Variants in PRC1 observed in about 807,000 individuals in gnomAD.
The protein encoded by PRC1 is protein regulator of cytokinesis 1.
A neutral mutation model predicts 91.2 loss-of-function variants in PRC1; 54 were observed. That is an observed-to-expected ratio of 0.59 (90% CI 0.48 to 0.74). The LOEUF is 0.74. Ranked by LOEUF, PRC1 falls within the 30% of genes least tolerant of loss-of-function variation. The pLI, the probability that PRC1 is intolerant of heterozygous loss-of-function variation, is 0.00. For synonymous variants in PRC1, 275 were observed against 263.6 expected, an observed-to-expected ratio of 1.04 and a Z score of -0.42; for missense variants, 727 against 746.2, an observed-to-expected ratio of 0.97 and a Z score of 0.30.
chr15:90,979,106 C>T (rs1472574444), intron 8 of PRC1, 52 bp downstream of exon 8: 18 of 1,566,260 alleles, frequency 1.1e-5, no homozygotes, highest in South Asian at 7.0e-5. Context: ...GGATTGATTC[C>T]GTACATGGCA....
At position 90,984,797 on chromosome 15, in the gene PRC1, A is replaced by G. The variant is rs2039460745; in HGVS notation, c.40T>C (p.Cys14Arg). ...SEVLAEESIV[C>R]LQKALNHLRE... ...AGGTGATTTAGGGCTTTCTGCAGAC[A>G]TACTATGGACTCCTCCGCCAGCACC... The change falls in exon 2 of 15, where the codon TGT becomes CGT. Residue 14 changes from cysteine to arginine, a missense_variant. By Grantham distance (180) the Cys-to-Arg change is radical. Coordinates refer to ENST00000394249, the MANE Select transcript of PRC1 (RefSeq NM_003981.4). This position sits in a 1 kb window ranked among gnomAD's most constrained non-coding sequence, Gnocchi z 5.1. The G allele has an allele frequency of 6.2e-7, 1 of 1,614,074 alleles. No homozygotes were observed. The highest frequency in any genetic ancestry group is 1.3e-5 in the African/African-American group (1 of 74,908).
chr15:90,966,100 AACAGGACACG>A lies in PRC1; in HGVS notation c.*1021_*1030del. The A allele has an allele frequency of 6.6e-6, 1 of 152,376 alleles. No homozygotes were observed. Among genetic ancestry groups the A allele is most frequent in the Non-Finnish European group, 1.5e-5 (1 of 68,118 alleles). The allele number at this position is 152,376 out of a possible 1,614,324, so 9.4% of individuals were successfully genotyped here. ...TTTAAGAATAATTGTATATTTTAAA[AACAGGACACG>A]TACTGTATGAGTAAACAGCGTGGCT... On this transcript the variant is annotated 3_prime_UTR_variant, in exon 15 of 15. Coordinates refer to ENST00000394249, the MANE Select transcript of PRC1 (RefSeq NM_003981.4).
chr15:90,979,302 A>C lies in PRC1; in HGVS notation c.971-8T>G. Reference sequence around the variant, plus strand: ...GACTTTCTGTGTAGTCCTCTGCAAAATATAGGCCCAGTAGTTTAAAACAAT... The same window carrying C: ...GACTTTCTGTGTAGTCCTCTGCAAACTATAGGCCCAGTAGTTTAAAACAAT... On this transcript the variant is annotated splice_polypyrimidine_tract_variant and splice_region_variant and intron_variant, in intron 7 of 14. Coordinates refer to ENST00000394249, the MANE Select transcript of PRC1 (RefSeq NM_003981.4). 1 of 1,609,216 alleles carries C rather than the reference A, an allele frequency of 6.2e-7. No homozygotes were observed. Among genetic ancestry groups the C allele is most frequent in the South Asian group, 1.1e-5 (1 of 90,476 alleles).
rs1316878598 is a variant in PRC1 at position 90,980,384 on chromosome 15, T to C, written c.828A>G (p.Gln276=). The change falls in exon 7 of 15, where the codon CAA becomes CAG. Residue 276 remains glutamine (Q), a synonymous_variant. Coordinates refer to ENST00000394249, the MANE Select transcript of PRC1 (RefSeq NM_003981.4). ...GSKAKVRKAL[Q]LEVDRLEELK... is the part of the protein sequence containing the mutation. ...GTTCTTCCAACCGATCCACTTCTAA[T>C]TGCAGCTGAAAGAAAGAAACTTGTT... is the stretch of plus-strand genomic sequence containing the variant. 23 of 1,612,880 alleles carry C rather than the reference T, an allele frequency of 1.4e-5. No homozygotes were observed. The highest frequency in any genetic ancestry group is 1.8e-5 in the Non-Finnish European group (21 of 1,179,748).
intron 9 of PRC1, among the ~76,000 whole-genome samples, chr15:90,975,972 G>C (rs2038652254): frequency 6.6e-6 from 1 of 152,166 alleles, no homozygotes. Context: ...AAGGAGAAAG[G>C]CCTCAGAAGA....
intron 1 of PRC1, among the ~76,000 whole-genome samples, chr15:90,990,569 G>T (rs1211039771): frequency 1.3e-5 from 2 of 151,470 alleles, no homozygotes; most frequent in East Asian, 3.9e-4. Context: ...TTTGGACCAT[G>T]GGGTGAAAGG....
chr15:90,990,112 C>T (rs1395089614), intron 1 of PRC1, among the ~76,000 whole-genome samples: 1 of 151,952 alleles, frequency 6.6e-6, no homozygotes, highest in Non-Finnish European at 1.5e-5. Flanking sequence ...CCAAGACCGG[C>T]GGATCACGAG....
intron 1 of PRC1, among the ~76,000 whole-genome samples, chr15:90,987,369 G>A (rs1596326532): frequency 6.6e-6 from 1 of 152,198 alleles, no homozygotes; most frequent in South Asian, 2.1e-4. Context: ...GTGACTGGTA[G>A]AGGGCTTCTG....
At position 90,966,421 on chromosome 15, in the gene PRC1, A is replaced by G. The variant is rs138337327; in HGVS notation, c.*710T>C. On this transcript the variant is annotated 3_prime_UTR_variant, in exon 15 of 15. Transcript: ENST00000394249. ...TGCGGGGGTAGAAGAACTCAGGCAA[A>G]GTAGGCACAGGAATGGGGGAGATGA... The G allele has an allele frequency of 1.1e-5, 4 of 348,202 alleles. No individual in the cohort carries two copies. The East Asian group carries it at 3.3e-4, about 29-fold the overall frequency. The allele number at this position is 348,202 out of a possible 1,614,324, so 21.6% of individuals were successfully genotyped here. A position where few individuals can be genotyped will look rare whatever the true frequency, so the allele number is the denominator to read the frequency against.
At chr15:90,991,971 T>C (rs1170642377) in intron 1 of PRC1, among the ~76,000 whole-genome samples, 1 of 152,238 alleles carries the variant, frequency 6.6e-6, no homozygotes, top group Non-Finnish European at 1.5e-5. Flanking sequence ...GCCATTTCTT[T>C]TGACCTCAGT....
Position 90,979,202 on chromosome 15 carries a change from C to T in PRC1, c.1063G>A (p.Val355Ile), listed in dbSNP as rs960266235. The T allele has an allele frequency of 1.2e-6, 2 of 1,614,166 alleles. No individual in the cohort carries two copies. The highest frequency in any genetic ancestry group is 2.7e-5 in the African/African-American group (2 of 75,060). The change falls in exon 8 of 15, where the codon GTC (valine) becomes ATC (isoleucine). Residue 355 changes from valine (V) to isoleucine (I), a missense_variant. Coordinates refer to ENST00000394249, the MANE Select transcript of PRC1 (RefSeq NM_003981.4). ...CTCCAGGTTTCTTCCCACTTCTGGACACCTTCAAAGAGTTCCTTGTGAACT... is the reference window on the plus strand; with the variant it reads ...CTCCAGGTTTCTTCCCACTTCTGGATACCTTCAAAGAGTTCCTTGTGAACT... ...YEVHKELFEG[V>I]QKWEETWRLF...
At position 90,966,687 on chromosome 15, in the gene PRC1, A is replaced by C. The variant is rs1447639689; in HGVS notation, c.*444T>G. On this transcript the variant is annotated 3_prime_UTR_variant, in exon 15 of 15. Transcript: ENST00000394249. ...TGGGGACAAGGCTTCAGGTAAGAGC[A>C]AAGCTATGATAGCTACAGCATTAAT... 1 of 456,264 alleles carries C rather than the reference A, an allele frequency of 2.2e-6. No homozygotes were observed. 28.3% of individuals were successfully genotyped at this position (456,264 alleles called of 1,614,324 possible). A position where few individuals can be genotyped will look rare whatever the true frequency, so the allele number is the denominator to read the frequency against.
At chr15:90,986,203 T>C (rs1423297241) in intron 1 of PRC1, among the ~76,000 whole-genome samples, 1 of 152,124 alleles carries the variant, frequency 6.6e-6, no homozygotes, top group Non-Finnish European at 1.5e-5. Flanking sequence ...AATGAACACA[T>C]ACGTTCACCA....
At position 90,984,668 on chromosome 15, in the gene PRC1, C is replaced by T. The variant is rs1457127740; in HGVS notation, c.144+25G>A. The T allele has an allele frequency of 1.2e-6, 2 of 1,612,982 alleles. No individual in the cohort carries two copies. Among genetic ancestry groups the T allele is most frequent in the East Asian group, 4.5e-5 (2 of 44,874 alleles). On this transcript the variant is annotated intron_variant, in intron 2 of 14. Transcript: ENST00000394249. The surrounding 1 kb of genome is among the most constrained non-coding windows in gnomAD (Gnocchi z 5.1). ...CCAACATCCTTACCCTGGTCCAATG[C>T]AGAGACCAGTACTATTCAACCCACC...
At chr15:90,972,575 A>G (rs1425199642) in intron 11 of PRC1, among the ~76,000 whole-genome samples, 1 of 152,058 alleles carries the variant, frequency 6.6e-6, no homozygotes, top group East Asian at 1.9e-4. Flanking sequence ...CCCTGTCTCT[A>G]CTAAAAATAC....
chr15:90,967,999 T>C, intron 14 of PRC1: 3 of 985,224 alleles, frequency 3.0e-6, no homozygotes, highest in Non-Finnish European at 3.6e-6. Flanking sequence ...GAGCACATGG[T>C]AGAGCAGCAA....
rs769703329 is a variant in PRC1 at position 90,994,469 on chromosome 15, C to T, written c.-52G>A. 3 of 1,591,252 alleles carry T rather than the reference C, an allele frequency of 1.9e-6. No individual in the cohort carries two copies. Among genetic ancestry groups the T allele is most frequent in the Non-Finnish European group, 2.6e-6 (3 of 1,167,714 alleles). On this transcript the variant is annotated 5_prime_UTR_variant, in exon 1 of 15. Coordinates refer to ENST00000394249, the MANE Select transcript of PRC1 (RefSeq NM_003981.4). The stretch of plus-strand genomic sequence containing the variant: ...CCAGGTCCAGACCTACTCCACACGG[C>T]CCCGAGAGCAACAACCACCCGCAAA...
intron 8 of PRC1, chr15:90,977,143 C>CAAAAAAA (rs2038791339): frequency 6.9e-6 from 1 of 145,920 alleles, no homozygotes; most frequent in Non-Finnish European, 1.5e-5. Flanking sequence ...AAAAAAAAGT[C>CAAAAAAA]AATTGTTAAA....
intron 11 of PRC1, among the ~76,000 whole-genome samples, chr15:90,972,405 A>C (rs1322085613): frequency 1.3e-5 from 2 of 151,800 alleles, no homozygotes; most frequent in African/African-American, 4.8e-5. Context: ...TTAATGTTAT[A>C]AAATAGCAGT....
Sources: allele counts gnomAD v4.1 joint callset (sites outside exome capture counted in the v4.1 genomes callset), GRCh38; gene constraint gnomAD v4.1.1; non-coding constraint Gnocchi (gnomAD v3.1); transcripts MANE v1.5; gene names NCBI Gene and HGNC (gene_info 2026-07-23, HGNC 2026-07-21).